P2RY8: variants seen among roughly 807,000 people sequenced by gnomAD.
The protein encoded by P2RY8 is P2Y receptor family member 8.
A neutral mutation model predicts 10.0 loss-of-function variants in P2RY8; 6 were observed. The ratio of observed to expected loss-of-function variants is 0.60; its 90% CI spans 0.33 to 1.19. The LOEUF (loss-of-function observed/expected upper bound fraction) is 1.19. P2RY8 is among the 50% of genes most tolerant of loss of function. The pLI is 0.04. For synonymous variants in P2RY8, 276 were observed against 252.5 expected (o/e 1.09, Z -0.88); for missense variants, 456 against 542.0 (o/e 0.84, Z 1.58).
intron 1 of P2RY8, among the ~76,000 whole-genome samples, chrX:1,509,807 A>ATCATCTATGTATCCATCCAT (rs1569538165): frequency 8.2e-5 from 5 of 61,028 alleles, no homozygotes; most frequent in African/African-American, 2.1e-4. Flanking sequence ...CTATCTATCT[A>ATCATCTATGTATCCATCCAT]TCTATCTATC....
intron 1 of P2RY8, among the ~76,000 whole-genome samples, chrX:1,514,716 C>T (rs865973310): frequency 1.9e-4 from 3 of 15,886 alleles, no homozygotes; most frequent in Non-Finnish European, 4.5e-4. Flanking sequence ...TCCCTTCCTT[C>T]CCTTCCCTTC....
chrX:1,526,844 G>A (rs2092443344), intron 1 of P2RY8, among the ~76,000 whole-genome samples: 1 of 152,040 alleles, frequency 6.6e-6, no homozygotes, highest in Non-Finnish European at 1.5e-5. Context: ...CATTCATTCA[G>A]CATCTATTTA....
chrX:1,490,688 C>A (rs1211118435), intron 1 of P2RY8, among the ~76,000 whole-genome samples: 1 of 148,008 alleles, frequency 6.8e-6, no homozygotes, highest in Non-Finnish European at 1.5e-5. Context: ...TTCACTTCTG[C>A]AAATGTAGAG....
Position 1,465,682 on chromosome X carries a change from A to G in P2RY8, c.877T>C (p.Tyr293His). Residue 293 changes from tyrosine (Y) to histidine (H), a missense_variant, in exon 2 of 2, where the codon TAT becomes CAT. Coordinates refer to ENST00000381297, the MANE Select transcript of P2RY8 (RefSeq NM_178129.5). ...CLNNCLDPFV[Y>H]YFASREFQLR... is the part of the protein sequence containing the mutation. ...TGGAATTCCCGGGACGCAAAGTAAT[A>G]AACAAACGGGTCCAGACAGTTGTTG... is the stretch of plus-strand genomic sequence containing the variant. 1 of 1,613,656 alleles carries G rather than the reference A, an allele frequency of 6.2e-7. No individual in the cohort carries two copies. Among genetic ancestry groups the G allele is most frequent in the Non-Finnish European group, 8.5e-7 (1 of 1,179,838 alleles).
chrX:1,465,596 G>T lies in P2RY8; in HGVS notation c.963C>A (p.Arg321=). Residue 321 remains arginine (R), a synonymous_variant, in exon 2 of 2, where the codon CGC becomes CGA. Transcript: ENST00000381297. ...TCCTGGCGGAGAAGAGGCTCTCGCG[G>T]CGCGTGTCCAGGGTGTCTCTGGGCA... The part of the protein sequence containing the change: ...RRVPRDTLDT[R]RESLFSARTT... 1 of 1,613,118 alleles carries T rather than the reference G, an allele frequency of 6.2e-7. No homozygotes were observed. The highest frequency in any genetic ancestry group is 1.1e-5 in the South Asian group (1 of 91,076).
chrX:1,474,562 GGA>G (rs2091852023), intron 1 of P2RY8, among the ~76,000 whole-genome samples: 2 of 44,744 alleles, frequency 4.5e-5, no homozygotes, highest in Admixed American at 4.6e-4. Context: ...GTGTGTGGAT[GGA>G]TGGATGGATG....
intron 1 of P2RY8, among the ~76,000 whole-genome samples, chrX:1,514,516 T>C (rs1269264181): frequency 1.6e-4 from 2 of 12,768 alleles, no homozygotes; most frequent in Non-Finnish European, 1.7e-4. Context: ...CCCTTCCCTT[T>C]CCTCCCCTCC....
intron 1 of P2RY8, among the ~76,000 whole-genome samples, chrX:1,533,047 A>T (rs1318110532): frequency 2.0e-5 from 3 of 150,484 alleles, no homozygotes; most frequent in Non-Finnish European, 4.4e-5. Context: ...AAAAAGAAAA[A>T]AAAAGGAATG....
intron 1 of P2RY8, among the ~76,000 whole-genome samples, chrX:1,478,510 G>A (rs1383663439): frequency 6.6e-5 from 10 of 151,870 alleles, no homozygotes; most frequent in African/African-American, 1.4e-4. Context: ...ACAGAGTCTC[G>A]CTCTGTTGTC....
intron 1 of P2RY8, among the ~76,000 whole-genome samples, chrX:1,522,567 G>A (rs112142206): frequency 0.024 from 3,596 of 152,318 alleles, 158 homozygotes; most frequent in African/African-American, 0.083. Flanking sequence ...CAAGGCAGGA[G>A]AGTGGCTTCA....
chrX:1,532,487 GTA>G (rs1347874787), intron 1 of P2RY8, among the ~76,000 whole-genome samples: 4 of 8,560 alleles, frequency 4.7e-4, no homozygotes, highest in Admixed American at 1.6e-3. Flanking sequence ...ATGTATATGT[GTA>G]TATATACACA....
chrX:1,501,589 A>AT (rs1195876657), intron 1 of P2RY8, among the ~76,000 whole-genome samples: 1 of 151,040 alleles, frequency 6.6e-6, no homozygotes, highest in Non-Finnish European at 1.5e-5. Context: ...TTTCATTTTT[A>AT]TTTTTTATTA....
At chrX:1,512,769 A>G (rs1210656998) in intron 1 of P2RY8, among the ~76,000 whole-genome samples, 1 of 152,132 alleles carries the variant, frequency 6.6e-6, no homozygotes, top group Admixed American at 6.6e-5. Context: ...TCTCACAGGA[A>G]CAGTATGGGA....
Position 1,468,445 on chromosome X carries a change from G to A in P2RY8, c.-24-1863C>T, listed in dbSNP as rs182889716. On this transcript the variant is annotated intron_variant, in intron 1 of 1. Coordinates refer to ENST00000381297, the MANE Select transcript of P2RY8 (RefSeq NM_178129.5). The stretch of plus-strand genomic sequence containing the variant: ...GCCCTGTGGCCACCGGACAGCCCCC[G>A]GGGAAGACAGACAGCCAGGACTGCT... 7.2e-5 allele frequency among the ~76,000 whole-genome samples: 11 copies of A among 152,266 alleles called. No individual in the cohort carries two copies. The East Asian group carries it at 1.9e-3, about 27-fold the overall frequency.
At chrX:1,507,277 T>A (rs1324547507) in intron 1 of P2RY8, among the ~76,000 whole-genome samples, 2 of 152,046 alleles carry the variant, frequency 1.3e-5, no homozygotes, top group African/African-American at 4.8e-5. Flanking sequence ...TCTCTGTGCG[T>A]GTCCAAGATG....
intron 1 of P2RY8, among the ~76,000 whole-genome samples, chrX:1,482,622 G>A (rs1318483160): frequency 2.0e-5 from 3 of 152,096 alleles, no homozygotes; most frequent in African/African-American, 7.2e-5. Flanking sequence ...CTAAATTTAA[G>A]TATTTAATCC....
At chrX:1,505,137 C>CAAAACAAA (rs2092220001) in intron 1 of P2RY8, among the ~76,000 whole-genome samples, 2 of 99,738 alleles carry the variant, frequency 2.0e-5, no homozygotes, top group African/African-American at 8.0e-5. Context: ...GACTCTGTCT[C>CAAAACAAA]AAAAAAAAAA....
intron 1 of P2RY8, among the ~76,000 whole-genome samples, chrX:1,479,982 T>C (rs768914309): frequency 7.6e-4 from 115 of 152,266 alleles, no homozygotes; most frequent in African/African-American, 2.6e-3. Flanking sequence ...AGAAATTGAA[T>C]CGATAATTTA....
At position 1,463,179 on chromosome X, in the gene P2RY8, C is replaced by T. The variant is rs2091610925; in HGVS notation, c.*2300G>A. On this transcript the variant is annotated 3_prime_UTR_variant, in exon 2 of 2. Transcript: ENST00000381297. ...TCTGAGGTTTTTCACAGTTTTTTTTCCCCCATGAGACACACCCAAGGCCCA... is the reference window on the plus strand; with the variant it reads ...TCTGAGGTTTTTCACAGTTTTTTTTTCCCCATGAGACACACCCAAGGCCCA... The T allele has an allele frequency of 2.1e-5, 5 of 232,774 alleles. No individual in the cohort carries two copies. The South Asian group carries it at 9.1e-4, about 42-fold the overall frequency. 14.4% of individuals were successfully genotyped at this position (232,774 alleles called of 1,614,324 possible).
Sources: allele counts gnomAD v4.1 joint callset (sites outside exome capture counted in the v4.1 genomes callset), GRCh38; gene constraint gnomAD v4.1.1; transcripts MANE v1.5; gene names NCBI Gene and HGNC (gene_info 2026-07-23, HGNC 2026-07-21).